Variants in ROBO2 observed in about 807,000 individuals in gnomAD.
ROBO2 encodes roundabout guidance receptor 2, also known as roundabout homolog 2.
A neutral mutation model predicts 160.8 loss-of-function variants in ROBO2; 53 were observed. That is an observed-to-expected ratio of 0.33 (90% CI 0.26 to 0.41). The LOEUF is 0.41. Ranked by LOEUF, ROBO2 falls within the 10% of genes least tolerant of loss-of-function variation. The pLI is 1.00. For missense variants in ROBO2, 1,577 were observed against 1,722.4 expected, an observed-to-expected ratio of 0.92 and a Z score of 1.49; for synonymous variants, 664 against 611.7, an observed-to-expected ratio of 1.09 and a Z score of -1.26.
chr3:77,172,731 A>T (rs1357917318), intron 2 of ROBO2, among the ~76,000 whole-genome samples: 1 of 152,210 alleles, frequency 6.6e-6, no homozygotes, highest in Admixed American at 6.5e-5. Flanking sequence ...GGCTTATAAG[A>T]TTCCATATAA....
intron 2 of ROBO2, among the ~76,000 whole-genome samples, chr3:77,304,802 T>C (rs2062959933): frequency 6.6e-6 from 1 of 152,238 alleles, no homozygotes; most frequent in Admixed American, 6.5e-5. Context: ...ACAGTGTGTG[T>C]ATCTGTGTAT....
intron 2 of ROBO2, among the ~76,000 whole-genome samples, chr3:77,448,521 G>A (rs1309370068): frequency 2.0e-5 from 3 of 152,148 alleles, no homozygotes; most frequent in South Asian, 2.1e-4. Context: ...AAGCCCTTAA[G>A]CTGGCTTTGT....
intron 2 of ROBO2, among the ~76,000 whole-genome samples, chr3:76,368,546 T>G (rs1184682818): frequency 6.6e-6 from 1 of 151,890 alleles, no homozygotes; most frequent in Admixed American, 6.6e-5. Context: ...TTGACCACAG[T>G]ATTTACACCT....
chr3:76,225,333 G>T lies in ROBO2; in HGVS notation c.109+287731G>T, dbSNP rs578023684. The stretch of plus-strand genomic sequence containing the variant: ...TTATAGCCCATTGCAAAATATGTGT[G>T]TATTAATTTTTTATGTCGTAGGTAT... On this transcript the variant is annotated intron_variant, in intron 2 of 26. Transcript: ENST00000487694. Among the ~76,000 whole-genome samples the T allele has an allele frequency of 8.2e-3, 1,250 of 152,266 alleles. 9 individuals carry two copies. Among genetic ancestry groups the T allele is most frequent in the Middle Eastern group, 0.014 (4 of 294 alleles).
chr3:76,453,374 C>T (rs2077576040), intron 2 of ROBO2, among the ~76,000 whole-genome samples: 1 of 152,150 alleles, frequency 6.6e-6, no homozygotes, highest in African/African-American at 2.4e-5. Context: ...GGAAGCGATC[C>T]AGTTTCAACT....
At chr3:77,370,721 T>C (rs2071622396) in intron 2 of ROBO2, among the ~76,000 whole-genome samples, 1 of 151,702 alleles carries the variant, frequency 6.6e-6, no homozygotes, top group South Asian at 2.1e-4. Context: ...AATAATATTG[T>C]AGGACACATG....
intron 2 of ROBO2, among the ~76,000 whole-genome samples, chr3:76,579,786 CAAAAAAAAA>C (rs5850267): frequency 9.3e-6 from 1 of 107,138 alleles, no homozygotes; most frequent in South Asian, 3.0e-4. Flanking sequence ...GGTTGAGTTA[CAAAAAAAAA>C]AAAAAAAAAG....
intron 2 of ROBO2, among the ~76,000 whole-genome samples, chr3:77,109,668 T>C (rs995914008): frequency 1.3e-5 from 2 of 152,260 alleles, no homozygotes; most frequent in South Asian, 4.1e-4. Flanking sequence ...TTCACACTTA[T>C]GGCTGATTCA....
At chr3:77,369,897 A>G (rs1384182061) in intron 2 of ROBO2, among the ~76,000 whole-genome samples, 1 of 152,208 alleles carries the variant, frequency 6.6e-6, no homozygotes, top group East Asian at 1.9e-4. Context: ...GGAGACAGTG[A>G]TATTTGAAAA....
intron 2 of ROBO2, among the ~76,000 whole-genome samples, chr3:77,355,064 A>G: frequency 1.2e-5 from 1 of 86,372 alleles, no homozygotes; most frequent in Non-Finnish European, 2.8e-5. Context: ...CAAAACACAA[A>G]ACATTTCTCT....
chr3:76,316,371 C>A (rs2072028229), intron 2 of ROBO2, among the ~76,000 whole-genome samples: 1 of 152,126 alleles, frequency 6.6e-6, no homozygotes, highest in Admixed American at 6.6e-5. Flanking sequence ...ATTTAATAAT[C>A]CTTGCTAGGA....
At chr3:77,638,014 A>G (rs964497589) in intron 24 of ROBO2, among the ~76,000 whole-genome samples, 1 of 152,234 alleles carries the variant, frequency 6.6e-6, no homozygotes, top group Non-Finnish European at 1.5e-5. Flanking sequence ...GTAGTGATAT[A>G]GCAAAGGAAA....
intron 2 of ROBO2, among the ~76,000 whole-genome samples, chr3:77,460,061 G>A (rs1036518078): frequency 6.6e-6 from 1 of 152,062 alleles, no homozygotes; most frequent in African/African-American, 2.4e-5. Context: ...GTGGACAGGA[G>A]TAAGAGTAAG....
intron 2 of ROBO2, among the ~76,000 whole-genome samples, chr3:77,136,780 G>A (rs549955420): frequency 6.5e-4 from 98 of 151,716 alleles, no homozygotes; most frequent in Non-Finnish European, 1.2e-3. Flanking sequence ...GGGACTACAG[G>A]TGCATGCCAC....
At chr3:77,254,380 A>G (rs2153313754) in intron 2 of ROBO2, among the ~76,000 whole-genome samples, 1 of 152,248 alleles carries the variant, frequency 6.6e-6, no homozygotes, top group East Asian at 1.9e-4. Context: ...TGCAGTAGAT[A>G]TTTTCCAGAG....
At chr3:76,395,911 T>C (rs9757017) in intron 2 of ROBO2, among the ~76,000 whole-genome samples, 28,139 of 151,940 alleles carry the variant, frequency 0.19, 3,061 homozygotes, top group African/African-American at 0.3. Context: ...GAACTGGTAC[T>C]ATTCCTTCTG....
At chr3:77,151,034 T>C (rs2150524610) in intron 2 of ROBO2, among the ~76,000 whole-genome samples, 1 of 152,228 alleles carries the variant, frequency 6.6e-6, no homozygotes, top group African/African-American at 2.4e-5. Flanking sequence ...TCAAATTGCA[T>C]TATCATAATT....
intron 2 of ROBO2, among the ~76,000 whole-genome samples, chr3:76,756,311 A>G (rs566031871): frequency 1.2e-4 from 18 of 152,054 alleles, no homozygotes; most frequent in Admixed American, 1.1e-3. Context: ...AATATTTGCA[A>G]AATATTTTTA....
intron 2 of ROBO2, among the ~76,000 whole-genome samples, chr3:76,087,758 G>A (rs537914015): frequency 6.6e-6 from 1 of 152,092 alleles, no homozygotes; most frequent in African/African-American, 2.4e-5. Flanking sequence ...ACAAGAGACA[G>A]GAGTGAGTAA....
Sources: allele counts gnomAD v4.1 joint callset (sites outside exome capture counted in the v4.1 genomes callset), GRCh38; gene constraint gnomAD v4.1.1; transcripts MANE v1.5; gene names NCBI Gene and HGNC (gene_info 2026-07-23, HGNC 2026-07-21).